Variants in ANO3 observed in about 807,000 individuals in gnomAD.
ANO3 encodes anoctamin 3.
ANO3 carries 99 observed loss-of-function variants against 144.8 expected under a neutral mutation model. That is an observed-to-expected ratio of 0.68 (90% CI 0.58 to 0.81). The LOEUF (loss-of-function observed/expected upper bound fraction) is 0.81, where lower values mean the gene tolerates loss of function less well. ANO3 is among the 30% of genes least tolerant of loss of function. The pLI, the probability that ANO3 is intolerant of heterozygous loss-of-function variation, is 0.00. For missense variants in ANO3, 905 were observed against 1,202.2 expected (o/e 0.75, Z 3.66); for synonymous variants, 414 against 392.6 (o/e 1.05, Z -0.64).
At chr11:26,275,371 G>A (rs1007114264) in intron 1 of ANO3, among the ~76,000 whole-genome samples, 1 of 152,078 alleles carries the variant, frequency 6.6e-6, no homozygotes, top group Admixed American at 6.6e-5. Context: ...AGTGAAATAT[G>A]ATTCTTTAGA....
At chr11:26,634,155 G>C (rs747593479) in intron 18 of ANO3, 49 bp from the exon 19 acceptor site, 1 of 1,115,886 alleles carries the variant, frequency 9.0e-7, no homozygotes, top group East Asian at 2.4e-5. Flanking sequence ...CCAGAGTCTT[G>C]ATATTCACCT....
intron 12 of ANO3, among the ~76,000 whole-genome samples, chr11:26,551,596 C>T (rs1849934696): frequency 6.6e-6 from 1 of 151,884 alleles, no homozygotes; most frequent in South Asian, 2.1e-4. Context: ...TTGATTGACT[C>T]CATTTGGAAA....
intron 1 of ANO3, among the ~76,000 whole-genome samples, chr11:26,425,699 A>T (rs1295572256): frequency 6.6e-6 from 1 of 152,120 alleles, no homozygotes; most frequent in African/African-American, 2.4e-5. Context: ...ATTTCATTCA[A>T]AATTTGCTTT....
intron 1 of ANO3, among the ~76,000 whole-genome samples, chr11:26,244,348 G>T (rs1852735393): frequency 6.6e-6 from 1 of 152,110 alleles, no homozygotes. Flanking sequence ...TTTGGGCTTT[G>T]TAGCTAACAC....
rs77788713 is a variant in ANO3, at chr11:26,363,830, A to C, written c.46+31509A>C. ...CTTCATGTTCCCTAATACATACTGCAAAAAAAAAAAGAGATTAAACCAATT... is the reference window on the plus strand; with the variant it reads ...CTTCATGTTCCCTAATACATACTGCCAAAAAAAAAAGAGATTAAACCAATT... On this transcript the variant is annotated intron_variant, in intron 1 of 26. Transcript: ENST00000256737. 1.6e-4 allele frequency among the ~76,000 whole-genome samples: 3 copies of C among 18,686 alleles called. No homozygotes were observed. In the South Asian group the frequency reaches 5.7e-3, roughly 36 times the overall value. 12.3% of individuals were successfully genotyped at this position (18,686 alleles called of 152,430 possible).
At chr11:26,565,248 T>C (rs1386687587) in intron 14 of ANO3, 1 of 1,554,000 alleles carries the variant, frequency 6.4e-7, no homozygotes, top group Non-Finnish European at 8.7e-7. Flanking sequence ...TTTTTCTTGA[T>C]AAGGGGTAAA....
chr11:26,563,078 C>A (rs444178), intron 14 of ANO3: 1,037,052 of 1,598,518 alleles, frequency 0.65, 339,418 homozygotes, highest in Admixed American at 0.78. Context: ...TTAATTAAAA[C>A]CACTGTGCCC....
At chr11:26,478,350 T>G in intron 4 of ANO3, among the ~76,000 whole-genome samples, 1 of 152,176 alleles carries the variant, frequency 6.6e-6, no homozygotes, top group Non-Finnish European at 1.5e-5. Context: ...AGAATAGCCT[T>G]TGTTTTCTGG....
chr11:26,556,652 G>A (rs967880527), intron 13 of ANO3, among the ~76,000 whole-genome samples: 20 of 152,092 alleles, frequency 1.3e-4, no homozygotes, highest in African/African-American at 4.1e-4. Flanking sequence ...TAAAAGATAC[G>A]TGGAGAATAG....
At chr11:26,653,317 G>C (rs1217799970) in intron 24 of ANO3, among the ~76,000 whole-genome samples, 1 of 151,938 alleles carries the variant, frequency 6.6e-6, no homozygotes, top group South Asian at 2.1e-4. Context: ...AGTGGCTCAG[G>C]CCATGATCCT....
chr11:26,610,545 A>G (rs1852070860), intron 17 of ANO3, among the ~76,000 whole-genome samples: 1 of 151,590 alleles, frequency 6.6e-6, no homozygotes, highest in South Asian at 2.1e-4. Flanking sequence ...TCATTTGTCT[A>G]TTTTTCATTT....
At chr11:26,229,491 C>T (rs1005021140) in intron 1 of ANO3, among the ~76,000 whole-genome samples, 3 of 152,306 alleles carry the variant, frequency 2.0e-5, no homozygotes, top group Admixed American at 6.5e-5. Context: ...TGTGATGGAA[C>T]TTCGCCAATG....
intron 1 of ANO3, among the ~76,000 whole-genome samples, chr11:26,385,653 G>A (rs1158128800): frequency 1.3e-5 from 2 of 151,908 alleles, no homozygotes; most frequent in Non-Finnish European, 2.9e-5. Flanking sequence ...TGGGACCCCT[G>A]TGATTACACT....
chr11:26,393,402 T>C (rs1856930368), intron 1 of ANO3, among the ~76,000 whole-genome samples: 1 of 152,000 alleles, frequency 6.6e-6, no homozygotes. Flanking sequence ...GCATGCCCTC[T>C]ATTGGAAAGG....
intron 1 of ANO3, among the ~76,000 whole-genome samples, chr11:26,341,434 G>C (rs1234144587): frequency 5.3e-5 from 8 of 152,172 alleles, no homozygotes; most frequent in Admixed American, 1.3e-4. Flanking sequence ...ATTAATTTCA[G>C]TTTCTTTAGT....
chr11:26,298,236 C>A (rs541753600), intron 1 of ANO3, among the ~76,000 whole-genome samples: 1 of 152,202 alleles, frequency 6.6e-6, no homozygotes, highest in South Asian at 2.1e-4. Flanking sequence ...TAGCTACCCA[C>A]CCAGTAACTG....
chr11:26,307,439 G>A (rs527908415), upstream of ANO3, among the ~76,000 whole-genome samples: 17 of 151,946 alleles, frequency 1.1e-4, no homozygotes, highest in South Asian at 3.1e-3. Context: ...CGTGGCTCAC[G>A]CCTGTAATCC....
At chr11:26,434,531 G>C (rs138133610) in intron 1 of ANO3, among the ~76,000 whole-genome samples, 61 of 152,008 alleles carry the variant, frequency 4.0e-4, no homozygotes, top group African/African-American at 1.4e-3. Flanking sequence ...TTGTTAATTT[G>C]GGATCTTTCT....
At chr11:26,566,233 C>CA (rs1371363537) in intron 14 of ANO3, among the ~76,000 whole-genome samples, 1 of 151,894 alleles carries the variant, frequency 6.6e-6, no homozygotes, top group Non-Finnish European at 1.5e-5. Context: ...ATATTTAAAA[C>CA]ATGTATATGA....
Sources: allele counts gnomAD v4.1 joint callset (sites outside exome capture counted in the v4.1 genomes callset), GRCh38; gene constraint gnomAD v4.1.1; transcripts MANE v1.5; gene names NCBI Gene and HGNC (gene_info 2026-07-23, HGNC 2026-07-21).